The following COL4A3 variants were observed in gnomAD, a reference collection of about 807,000 sequenced individuals.
COL4A3 encodes the protein collagen type IV alpha 3 chain, also known as collagen alpha-3(IV) chain.
A neutral mutation model predicts 217.4 loss-of-function variants in COL4A3; 135 were observed. The ratio of observed to expected loss-of-function variants is 0.62; its 90% CI spans 0.54 to 0.72. The LOEUF (loss-of-function observed/expected upper bound fraction) is 0.72, where lower values mean the gene tolerates loss of function less well. Among genes scored for constraint, COL4A3 ranks in the 30% least tolerant of loss-of-function variants. COL4A3 has a pLI of 0.00. For missense variants in COL4A3, 1,868 were observed against 2,119.9 expected (o/e 0.88, Z 2.33); for synonymous variants, 690 against 736.3 (o/e 0.94, Z 1.02).
rs1333864999 is a variant in COL4A3 at position 227,248,517 on chromosome 2, C to T, written c.543C>T (p.Pro181=). The T allele has an allele frequency of 8.7e-6, 14 of 1,609,670 alleles. No individual in the cohort carries two copies. The highest frequency in any genetic ancestry group is 1.1e-5 in the Non-Finnish European group (13 of 1,176,262). The change falls in exon 9 of 52, where the codon CCC becomes CCT. Residue 181 remains proline (P), a synonymous_variant. Coordinates refer to ENST00000396578, the MANE Select transcript of COL4A3 (RefSeq NM_000091.5). The part of the protein sequence containing the change: ...GDPGLPGAPG[P]QGLPGPPGFP... Reference sequence around the variant, plus strand: ...CCGGGTTGCCAGGGGCTCCAGGACCCCAGGTACAGCACTTCAGAGAAGGTC... The same window carrying T: ...CCGGGTTGCCAGGGGCTCCAGGACCTCAGGTACAGCACTTCAGAGAAGGTC...
At position 227,291,593 on chromosome 2, in the gene COL4A3, C is replaced by CA. The variant is rs869124557; in HGVS notation, c.3210+718dup. ...AAAAAAAAAAAACAAAAAAAAAAAA[C>CA]AAAAAAAAAAACACTTGTCTTACAA... On this transcript the variant is annotated intron_variant, in intron 37 of 51. Coordinates refer to ENST00000396578, the MANE Select transcript of COL4A3 (RefSeq NM_000091.5). Among the ~76,000 whole-genome samples the CA allele has an allele frequency of 3.1e-4, 15 of 47,996 alleles. 1 individual carries two copies. The highest frequency in any genetic ancestry group is 2.8e-3 in the East Asian group (5 of 1,796). The allele number at this position is 47,996 out of a possible 152,430, so 31.5% of individuals were successfully genotyped here.
intron 1 of COL4A3, among the ~76,000 whole-genome samples, chr2:227,232,264 C>A (rs1046607146): frequency 6.6e-6 from 1 of 152,188 alleles, no homozygotes; most frequent in Non-Finnish European, 1.5e-5. Context: ...TCTGGTTTCT[C>A]TTCAGATTGC....
chr2:227,290,663 A>T, intron 36 of COL4A3, 84 bp from the exon 37 acceptor site: 1 of 1,358,816 alleles, frequency 7.4e-7, no homozygotes, highest in Non-Finnish European at 1.0e-6. Context: ...TTCTTGGGAG[A>T]AAGCTTATGT....
chr2:227,312,338 G>A lies in COL4A3; in HGVS notation c.*468G>A. On this transcript the variant is annotated 3_prime_UTR_variant, in exon 52 of 52. Coordinates refer to ENST00000396578, the MANE Select transcript of COL4A3 (RefSeq NM_000091.5). Reference sequence around the variant, plus strand: ...AAGAGAAGGGGGCATGTGGTATCCTGGAGCATTGTGTATAGAACTGGATTT... The same window carrying A: ...AAGAGAAGGGGGCATGTGGTATCCTAGAGCATTGTGTATAGAACTGGATTT... The A allele has an allele frequency of 4.4e-6, 1 of 228,144 alleles. No individual in the cohort carries two copies. Among genetic ancestry groups the A allele is most frequent in the Non-Finnish European group, 8.7e-6 (1 of 114,364 alleles). The allele number at this position is 228,144 out of a possible 1,614,324, so 14.1% of individuals were successfully genotyped here.
At chr2:227,219,982 G>A (rs1053091381) in intron 1 of COL4A3, among the ~76,000 whole-genome samples, 8 of 151,972 alleles carry the variant, frequency 5.3e-5, no homozygotes, top group Admixed American at 4.6e-4. Flanking sequence ...TCTGCCCCAA[G>A]ATTTCTTCAC....
intron 17 of COL4A3, 180 bp downstream of exon 17, chr2:227,256,576 G>T (rs553918212): frequency 1.1e-5 from 8 of 761,494 alleles, no homozygotes; most frequent in Non-Finnish European, 1.7e-5. Context: ...TTTGAAGGGT[G>T]TTCTTGAGGA....
intron 1 of COL4A3, among the ~76,000 whole-genome samples, chr2:227,217,486 G>GT (rs2067570178): frequency 1.3e-5 from 2 of 152,166 alleles, no homozygotes; most frequent in Non-Finnish European, 2.9e-5. Context: ...CCTGACTGTA[G>GT]TCCTGTTTTA....
chr2:227,279,959 T>C (rs182670150), intron 29 of COL4A3, 69 bp downstream of exon 29: 2 of 981,616 alleles, frequency 2.0e-6, no homozygotes, highest in Non-Finnish European at 3.2e-6. Flanking sequence ...TTGTATGCAC[T>C]TATCTGGCAG....
chr2:227,232,806 G>T (rs2068478994), intron 1 of COL4A3, among the ~76,000 whole-genome samples: 1 of 152,186 alleles, frequency 6.6e-6, no homozygotes, highest in Non-Finnish European at 1.5e-5. Context: ...AAATAAATAA[G>T]TGATTAAATA....
chr2:227,195,131 G>T (rs1468363545), intron 1 of COL4A3, among the ~76,000 whole-genome samples: 2 of 151,862 alleles, frequency 1.3e-5, no homozygotes, highest in African/African-American at 2.4e-5. Flanking sequence ...TCAACAGTTC[G>T]GTGCATAGAG....
At position 227,267,106 on chromosome 2, in the gene COL4A3, G is replaced by C; in HGVS notation, c.1504+18G>C. The C allele has an allele frequency of 6.3e-7, 1 of 1,591,156 alleles. No homozygotes were observed. The highest frequency in any genetic ancestry group is 2.2e-5 in the East Asian group (1 of 44,746). ...AATCCCAGGTACAAACAATTTGCAT[G>C]CAAGTGTTTTTGCAAGCACAAAAGG... On this transcript the variant is annotated intron_variant, in intron 23 of 51. Coordinates refer to ENST00000396578, the MANE Select transcript of COL4A3 (RefSeq NM_000091.5).
intron 50 of COL4A3, 64 bp from the exon 51 acceptor site, chr2:227,310,712 A>C: frequency 7.2e-7 from 1 of 1,379,646 alleles, no homozygotes; most frequent in East Asian, 2.3e-5. Flanking sequence ...AAAAAAAAGT[A>C]GAGAATTGAA....
rs772938462 is a variant in COL4A3, at chr2:227,266,445, T to C, written c.1344T>C (p.Pro448=). The C allele has an allele frequency of 6.2e-7, 1 of 1,614,116 alleles. No individual in the cohort carries two copies. Among genetic ancestry groups the C allele is most frequent in the Admixed American group, 1.7e-5 (1 of 60,018 alleles). The change falls in exon 22 of 52, where the codon CCT becomes CCC. Residue 448 remains proline (P), a synonymous_variant. Transcript: ENST00000396578. ...ACATCGTTTTTCGCAAGGGTCCACC[T>C]GGAGATCACGGACTGCCAGGCTATC... ...PGDIVFRKGP[P]GDHGLPGYLG...
Position 227,289,188 on chromosome 2 carries a change from G to T in COL4A3, c.2920G>T (p.Val974Phe). Residue 974 changes from valine (V) to phenylalanine (F), a missense_variant, in exon 35 of 52, where the codon GTT (valine) becomes TTT (phenylalanine). Coordinates refer to ENST00000396578, the MANE Select transcript of COL4A3 (RefSeq NM_000091.5). The stretch of plus-strand genomic sequence containing the variant: ...TCCAGGTGAGAAAGGAAACAGAGGC[G>T]TTCCAGGGATGCCAGGTTTAAAGGG... Reference protein sequence around the residue: ...GNPGEKGNRGVPGMPGLKGLK... With the variant: ...GNPGEKGNRGFPGMPGLKGLK... 1 of 1,613,834 alleles carries T rather than the reference G, an allele frequency of 6.2e-7. No homozygotes were observed. The highest frequency in any genetic ancestry group is 8.5e-7 in the Non-Finnish European group (1 of 1,179,892).
At chr2:227,295,404 C>T in intron 41 of COL4A3, 88 bp downstream of exon 41, 1 of 1,148,582 alleles carries the variant, frequency 8.7e-7, no homozygotes, top group Non-Finnish European at 1.3e-6. Context: ...GTAAGCTTAA[C>T]CTAGTGAATT....
chr2:227,277,250 C>T (rs1476557211), intron 27 of COL4A3, among the ~76,000 whole-genome samples, 199 bp from the exon 28 acceptor site: 2 of 148,258 alleles, frequency 1.3e-5, no homozygotes, highest in East Asian at 2.0e-4. Flanking sequence ...ACCCAGGAGG[C>T]GGAGCTTGCA....
chr2:227,166,228 C>A (rs1036494370), intron 1 of COL4A3, among the ~76,000 whole-genome samples: 30 of 152,198 alleles, frequency 2.0e-4, no homozygotes, highest in African/African-American at 7.0e-4. Flanking sequence ...GTTTGTGTAG[C>A]TGGTTCTAAC....
In COL4A3 at chr2:227,289,020, A is replaced by G. The variant is rs1461396386; in HGVS notation, c.2882-130A>G. ...CGCTGGAGTGCAGTGGCACGATCTC[A>G]GCTCACTTCAACCTCTGTCTCCCAG... On this transcript the variant is annotated intron_variant, in intron 34 of 51. Transcript: ENST00000396578. 8.8e-6 allele frequency: 6 copies of G among 684,076 alleles called. No homozygotes were observed. The Middle Eastern group carries it at 1.2e-3, about 133-fold the overall frequency. The allele number at this position is 684,076 out of a possible 1,614,324, so 42.4% of individuals were successfully genotyped here.
chr2:227,250,339 GATA>G lies in COL4A3; in HGVS notation c.547-800_547-798del, dbSNP rs1246102379. 3.0e-4 allele frequency among the ~76,000 whole-genome samples: 3 copies of G among 10,044 alleles called. No homozygotes were observed. The highest frequency in any genetic ancestry group is 5.7e-4 in the Admixed American group (1 of 1,740). The allele number at this position is 10,044 out of a possible 152,430, so 6.6% of individuals were successfully genotyped here. A position where few individuals can be genotyped will look rare whatever the true frequency, so the allele number is the denominator to read the frequency against. ...AAAAATAGGTAGATAGATAAAAGAT[GATA>G]GATAGATAGATAGATAGATAGATAG... On this transcript the variant is annotated intron_variant, in intron 9 of 51. Transcript: ENST00000396578. The surrounding 1 kb of genome is among the most constrained non-coding windows in gnomAD (Gnocchi z 4.1).
Sources: gnomAD v4.1 joint callset for allele counts (sites outside exome capture counted in the v4.1 genomes callset) on GRCh38, gnomAD v4.1.1 for gene constraint, Gnocchi (gnomAD v3.1) non-coding constraint, MANE v1.5 for transcripts, NCBI Gene and HGNC (gene_info 2026-07-23, HGNC 2026-07-21) for gene names.